The following ERI2 variants were observed in gnomAD, a reference collection of about 807,000 sequenced individuals.
The protein encoded by ERI2 is ERI1 exoribonuclease 2.
Under a neutral mutation model 46.8 loss-of-function variants are expected in ERI2, and 35 were observed. The ratio of observed to expected loss-of-function variants is 0.75; its 90% confidence interval spans 0.57 to 0.99. The LOEUF (loss-of-function observed/expected upper bound fraction) is 0.99. ERI2 is among the 50% of genes least tolerant of loss of function. The pLI, the probability that ERI2 is intolerant of heterozygous loss-of-function variation, is 0.00. For missense variants in ERI2, 695 were observed against 796.2 expected, an observed-to-expected ratio of 0.87 and a Z score of 1.53; for synonymous variants, 224 against 271.0, an observed-to-expected ratio of 0.83 and a Z score of 1.70.
At position 20,797,750 on chromosome 16, in the gene ERI2, T is replaced by C; in HGVS notation, c.2050A>G (p.Arg684Gly). The change falls in exon 9 of 9, where the codon AGA (arginine) becomes GGA (glycine). Residue 684 changes from arginine to glycine, a missense_variant. Arg to Gly is a moderately radical substitution (Grantham distance 125). Transcript: ENST00000357967. ...CAATTCCTCATTGAAGGCCTGAGTC[T>C]CAAAGAATTTTTGGTGGAAATACTT... ...NLSISTKNSLRLRPSMRN is the reference protein window; with the variant it reads ...NLSISTKNSLGLRPSMRN The C allele has an allele frequency of 6.5e-7, 1 of 1,549,234 alleles. No homozygotes were observed. Among genetic ancestry groups the C allele is most frequent in the Non-Finnish European group, 8.7e-7 (1 of 1,146,126 alleles).
chr16:20,798,699 T>C lies in ERI2; in HGVS notation c.1101A>G (p.Lys367=). ...GKNEHLAFNT[K]SKASTVGSEL... is the part of the protein sequence containing the mutation. Reference sequence around the variant, plus strand: ...CTGAACCAACTGTTGAAGCCTTAGATTTGGTATTAAATGCAAGATGTTCAT... The same window carrying C: ...CTGAACCAACTGTTGAAGCCTTAGACTTGGTATTAAATGCAAGATGTTCAT... The change falls in exon 9 of 9, where the codon AAA becomes AAG. Residue 367 remains lysine, a synonymous_variant. Transcript: ENST00000357967. 2 of 1,551,638 alleles carry C rather than the reference T, an allele frequency of 1.3e-6. No individual in the cohort carries two copies. The highest frequency in any genetic ancestry group is 1.7e-6 in the Non-Finnish European group (2 of 1,146,930).
At chr16:20,781,080 T>C (rs752162811) in intron 10 of ERI2, 3 of 1,614,184 alleles carry the variant, frequency 1.9e-6, no homozygotes, top group Non-Finnish European at 2.5e-6. Context: ...CCAGGGAGCA[T>C]GTGTATTCAC....
Position 20,806,396 on chromosome 16 carries a change from TC to T in ERI2, c.23+11del. 1 of 1,549,420 alleles carries T rather than the reference TC, an allele frequency of 6.5e-7. No individual in the cohort carries two copies. Among genetic ancestry groups the T allele is most frequent in the Non-Finnish European group, 8.7e-7 (1 of 1,146,818 alleles). ...GAGCTACCCGCCCCCGACCCGGAAC[TC>T]CCTCGAGTACCGCGCGAGCCGCTTG... On this transcript the variant is annotated intron_variant, in intron 1 of 8. Coordinates refer to ENST00000357967, the MANE Select transcript of ERI2 (RefSeq NM_001142725.2).
At position 20,790,541 on chromosome 16, in the gene ERI2, C is replaced by T; in HGVS notation, c.815+309G>A. On this transcript the variant is annotated intron_variant, in intron 9 of 10. Coordinates refer to the ERI2 transcript ENST00000300005. The surrounding 1 kb of genome is among the most constrained non-coding windows in gnomAD (Gnocchi z 4.0). ...TGCAAAGTTAATATTTAAGCTGCGA[C>T]ATTAAACAAAAATTTCCTTAAATAA... 6.5e-7 allele frequency: 1 copy of T among 1,548,664 alleles called. No individual in the cohort carries two copies. Among genetic ancestry groups the T allele is most frequent in the Non-Finnish European group, 8.9e-7 (1 of 1,128,494 alleles).
rs148839299 is a variant in ERI2 at position 20,805,155 on chromosome 16, G to A, written c.23+1253C>T. Among the ~76,000 whole-genome samples, 30 of 152,252 alleles carry A rather than the reference G, an allele frequency of 2.0e-4. No homozygotes were observed. In the East Asian group the frequency reaches 3.9e-3, roughly 20 times the overall value. On this transcript the variant is annotated intron_variant, in intron 1 of 8. Transcript: ENST00000357967. Reference sequence around the variant, plus strand: ...TAAAAGGATCACTAGGCCAGGCACCGTGGCTCACACCTGTAACCCCAGCAC... The same window carrying A: ...TAAAAGGATCACTAGGCCAGGCACCATGGCTCACACCTGTAACCCCAGCAC...
chr16:20,785,098 G>T, intron 10 of ERI2: 2 of 1,613,180 alleles, frequency 1.2e-6, no homozygotes, highest in Non-Finnish European at 1.7e-6. Flanking sequence ...GATATGGACA[G>T]ACTGAAACGG....
chr16:20,790,782 C>T lies in ERI2; in HGVS notation c.815+68G>A. 3 of 1,613,280 alleles carry T rather than the reference C, an allele frequency of 1.9e-6. No individual in the cohort carries two copies. Among genetic ancestry groups the T allele is most frequent in the African/African-American group, 1.3e-5 (1 of 75,006 alleles). On this transcript the variant is annotated intron_variant, in intron 9 of 10. Coordinates refer to the ERI2 transcript ENST00000300005. The surrounding 1 kb of genome is among the most constrained non-coding windows in gnomAD (Gnocchi z 4.0). ...CCACAAAACATACCTAGGATAGGTA[C>T]TTGACCCTTTCTTGAGAGATTGGTT...
In ERI2 at chr16:20,797,382, A is replaced by G; in HGVS notation, c.*342T>C. On this transcript the variant is annotated 3_prime_UTR_variant, in exon 9 of 9. Transcript: ENST00000357967. ...AACTTATAAAAGTTTTTAGAAAAAT[A>G]TAAAATATCAGTTAGAAGATTATGA... 1 of 985,868 alleles carries G rather than the reference A, an allele frequency of 1.0e-6. No homozygotes were observed. Among genetic ancestry groups the G allele is most frequent in the Non-Finnish European group, 1.2e-6 (1 of 824,978 alleles). 61.1% of individuals were successfully genotyped at this position (985,868 alleles called of 1,614,324 possible).
At chr16:20,791,724 C>T (rs1047826258), downstream of ERI2, among the ~76,000 whole-genome samples, 6 of 151,976 alleles carry the variant, frequency 3.9e-5, no homozygotes, top group Admixed American at 6.5e-5. Context: ...GTAAGGAGCT[C>T]GACACCAGCC....
In ERI2 at chr16:20,786,106, T is replaced by A. The variant is rs1372429393; in HGVS notation, c.894+3373A>T. The A allele has an allele frequency of 6.2e-7, 1 of 1,601,456 alleles. No individual in the cohort carries two copies. Among genetic ancestry groups the A allele is most frequent in the Non-Finnish European group, 8.5e-7 (1 of 1,175,202 alleles). On this transcript the variant is annotated intron_variant, in intron 10 of 10. Transcript: ENST00000300005. ...CTAATCTGTGGAAATTTTAAGGGAA[T>A]GAAAATTAAACCTGGCTCAATGGGA...
intron 1 of ERI2, chr16:20,806,023 G>A (rs1210019133): frequency 1.7e-6 from 2 of 1,157,672 alleles, no homozygotes; most frequent in South Asian, 4.2e-5. Context: ...ACCGAGGAAC[G>A]AGCATTTCGA....
intron 1 of ERI2, among the ~76,000 whole-genome samples, chr16:20,804,807 A>C (rs2080836556): frequency 6.6e-6 from 1 of 152,220 alleles, no homozygotes; most frequent in African/African-American, 2.4e-5. Flanking sequence ...TGTGTTTGCT[A>C]AGAGTGGGAA....
chr16:20,790,842 A>G lies in ERI2; in HGVS notation c.815+8T>C. ...AGTAATCCAAAAGACAAGAAATTGA[A>G]GAAATACCCAAATTCTTGCTGAAGA... On this transcript the variant is annotated splice_region_variant and intron_variant, in intron 9 of 10. Coordinates refer to the ERI2 transcript ENST00000300005. The surrounding 1 kb of genome is among the most constrained non-coding windows in gnomAD (Gnocchi z 4.0). 6.2e-7 allele frequency: 1 copy of G among 1,614,076 alleles called. No individual in the cohort carries two copies. Among genetic ancestry groups the G allele is most frequent in the Non-Finnish European group, 8.5e-7 (1 of 1,179,964 alleles).
At chr16:20,795,791 T>C (rs890609889), downstream of ERI2, among the ~76,000 whole-genome samples, 1 of 152,210 alleles carries the variant, frequency 6.6e-6, no homozygotes, top group Non-Finnish European at 1.5e-5. Flanking sequence ...GGACTCCAAA[T>C]TTACTTTTAA....
At chr16:20,788,457 A>G (rs2080522289) in intron 10 of ERI2, among the ~76,000 whole-genome samples, 1 of 152,162 alleles carries the variant, frequency 6.6e-6, no homozygotes, top group South Asian at 2.1e-4. Flanking sequence ...TGCAAATATG[A>G]TGAGGCTGAG....
In ERI2 at chr16:20,797,606, G is replaced by C. The variant is rs1427319244; in HGVS notation, c.*118C>G. ...ATTACACTTGTGGTTCCTGAAGAAAGTATGGTAAATGCAGTAAACATTAAT... is the reference window on the plus strand; with the variant it reads ...ATTACACTTGTGGTTCCTGAAGAAACTATGGTAAATGCAGTAAACATTAAT... On this transcript the variant is annotated 3_prime_UTR_variant, in exon 9 of 9. Coordinates refer to ENST00000357967, the MANE Select transcript of ERI2 (RefSeq NM_001142725.2). 1 of 1,323,410 alleles carries C rather than the reference G, an allele frequency of 7.6e-7. No individual in the cohort carries two copies. Among genetic ancestry groups the C allele is most frequent in the African/African-American group, 1.5e-5 (1 of 66,094 alleles). 82.0% of individuals were successfully genotyped at this position (1,323,410 alleles called of 1,614,324 possible). A position where few individuals can be genotyped will look rare whatever the true frequency, so the allele number is the denominator to read the frequency against.
rs1437030539 is a variant in ERI2, at chr16:20,801,417, T to C, written c.304-58A>G. On this transcript the variant is annotated intron_variant, in intron 4 of 8. Coordinates refer to ENST00000357967, the MANE Select transcript of ERI2 (RefSeq NM_001142725.2). ...AATCAAATTCCATTATTATTTAGCA[T>C]GTTTTATAACTGTGGAGAAAGATTA... 6 of 1,507,202 alleles carry C rather than the reference T, an allele frequency of 4.0e-6. No homozygotes were observed. The Admixed American group carries it at 1.3e-4, about 34-fold the overall frequency. The allele number at this position is 1,507,202 out of a possible 1,614,324, so 93.4% of individuals were successfully genotyped here.
chr16:20,789,798 C>A (rs1380060285), intron 9 of ERI2, among the ~76,000 whole-genome samples: 1 of 151,686 alleles, frequency 6.6e-6, no homozygotes, highest in African/African-American at 2.4e-5. Context: ...CTCAACCTCC[C>A]AAGTGGCTGG....
At chr16:20,799,790 A>C (rs2080776545) in intron 7 of ERI2, 167 bp downstream of exon 7, 1 of 525,844 alleles carries the variant, frequency 1.9e-6, no homozygotes, top group Non-Finnish European at 3.4e-6. Context: ...ATAGTTTATG[A>C]AAGTGGTAAT....
Sources: allele counts gnomAD v4.1 joint callset (sites outside exome capture counted in the v4.1 genomes callset), GRCh38; gene constraint gnomAD v4.1.1; non-coding constraint Gnocchi (gnomAD v3.1); transcripts MANE v1.5; gene names NCBI Gene and HGNC (gene_info 2026-07-23, HGNC 2026-07-21).